WDR17: variants seen among roughly 807,000 people sequenced by gnomAD.
WDR17 encodes the protein WD repeat domain 17.
Under a neutral mutation model 161.7 loss-of-function variants are expected in WDR17, and 143 were observed. That is an observed-to-expected ratio of 0.88 (90% CI 0.77 to 1.02). The LOEUF (loss-of-function observed/expected upper bound fraction) is 1.02, where lower values mean the gene tolerates loss of function less well. WDR17 is among the 50% of genes least tolerant of loss of function. The probability of loss-of-function intolerance (pLI) is 0.00; values close to 1 mark genes in which losing one functional copy is unlikely to be tolerated. For missense variants in WDR17, 1,469 were observed against 1,520.9 expected (o/e 0.97, Z 0.57); for synonymous variants, 517 against 515.6 (o/e 1.00, Z -0.04).
intron 23 of WDR17, among the ~76,000 whole-genome samples, chr4:176,170,162 A>G (rs1665595589): frequency 6.6e-6 from 1 of 152,128 alleles, no homozygotes; most frequent in South Asian, 2.1e-4. Flanking sequence ...CCATAAATAT[A>G]TGCTCTTAAT....
chr4:176,066,285 C>A (rs1732517366), intron 1 of WDR17, among the ~76,000 whole-genome samples: 1 of 152,180 alleles, frequency 6.6e-6, no homozygotes, highest in Non-Finnish European at 1.5e-5. Context: ...CTGATTCTTA[C>A]AAGGCACAGC....
intron 2 of WDR17, among the ~76,000 whole-genome samples, chr4:176,112,364 T>C (rs1739909042): frequency 6.6e-6 from 1 of 152,206 alleles, no homozygotes; most frequent in Admixed American, 6.5e-5. Context: ...CCTACTAATT[T>C]ATTGTTCAGT....
intron 1 of WDR17, chr4:176,098,430 G>C (rs370640612): frequency 6.6e-6 from 1 of 151,844 alleles, no homozygotes; most frequent in East Asian, 1.9e-4. Context: ...AATTAAATAT[G>C]TTTCTTTACC....
chr4:176,142,150 A>G (rs913416080), intron 11 of WDR17, 81 bp downstream of exon 11: 11 of 1,149,344 alleles, frequency 9.6e-6, no homozygotes, highest in African/African-American at 1.5e-5. Context: ...TGCTATTTCC[A>G]AAGGTAATAT....
At chr4:176,142,573 T>C (rs968859167) in intron 11 of WDR17, among the ~76,000 whole-genome samples, 1 of 152,220 alleles carries the variant, frequency 6.6e-6, no homozygotes, top group Non-Finnish European at 1.5e-5. Context: ...AAAAATCAGC[T>C]TAGATTTAAA....
At chr4:176,126,169 T>C (rs564485450) in intron 5 of WDR17, among the ~76,000 whole-genome samples, 23 of 152,196 alleles carry the variant, frequency 1.5e-4, no homozygotes, top group Non-Finnish European at 2.9e-4. Flanking sequence ...GTGGGAGGCA[T>C]TCAAACTATA....
intron 23 of WDR17, among the ~76,000 whole-genome samples, chr4:176,171,250 A>T (rs1750692250): frequency 6.6e-6 from 1 of 152,206 alleles, no homozygotes; most frequent in South Asian, 2.1e-4. Flanking sequence ...AAAAATTACA[A>T]GGATGATCAT....
intron 1 of WDR17, 79 bp from the exon 2 acceptor site, chr4:176,111,496 G>A (rs1579076873): frequency 4.7e-6 from 7 of 1,494,890 alleles, no homozygotes; most frequent in Non-Finnish European, 6.3e-6. Context: ...GGTAAGGGTT[G>A]GGGAAGATAG....
At chr4:176,164,222 G>T (rs1022808034) in intron 22 of WDR17, among the ~76,000 whole-genome samples, 2 of 152,144 alleles carry the variant, frequency 1.3e-5, no homozygotes, top group Non-Finnish European at 2.9e-5. Context: ...TTTTCCTGAG[G>T]TCGCAGTAAG....
At position 176,131,469 on chromosome 4, in the gene WDR17, T is replaced by A. The variant is rs953710881; in HGVS notation, c.914-85T>A. ...GCCTAAATGGTTTACTGGTACAGAT[T>A]CTGGATTTTTTTTTTAATGAAGAAT... On this transcript the variant is annotated intron_variant, in intron 6 of 28. Coordinates refer to ENST00000508596, the MANE Select transcript of WDR17 (RefSeq NM_181265.4). 3.0e-6 allele frequency: 4 copies of A among 1,347,144 alleles called. No homozygotes were observed. In the Admixed American group the frequency reaches 7.4e-5, roughly 25 times the overall value. 83.4% of individuals were successfully genotyped at this position (1,347,144 alleles called of 1,614,324 possible).
intron 1 of WDR17, among the ~76,000 whole-genome samples, chr4:176,072,635 AT>A (rs1733387086): frequency 6.6e-6 from 1 of 152,060 alleles, no homozygotes; most frequent in Non-Finnish European, 1.5e-5. Context: ...AATTCCTTTC[AT>A]TTTTCTGCAT....
intron 1 of WDR17, among the ~76,000 whole-genome samples, chr4:176,093,621 T>C (rs182053037): frequency 6.6e-6 from 1 of 152,312 alleles, no homozygotes; most frequent in African/African-American, 2.4e-5. Context: ...ATTAGATTCA[T>C]GGACATAGAT....
rs756972800 is a variant in WDR17, at chr4:176,111,598, A to G, written c.18A>G (p.Gln6=). 6.2e-7 allele frequency: 1 copy of G among 1,609,562 alleles called. No homozygotes were observed. The highest frequency in any genetic ancestry group is 8.5e-7 in the Non-Finnish European group (1 of 1,177,468). Residue 6 remains glutamine, a synonymous_variant, in exon 2 of 29, where the codon CAA becomes CAG. Coordinates refer to ENST00000508596, the MANE Select transcript of WDR17 (RefSeq NM_181265.4). MSQVR[Q]VGLLAAGCQP... ...AGGCAAACATGTCCCAGGTAAGGCAAGTGGGATTGCTGGCTGCTGGATGTC... is the reference window on the plus strand; with the variant it reads ...AGGCAAACATGTCCCAGGTAAGGCAGGTGGGATTGCTGGCTGCTGGATGTC...
In WDR17 at chr4:176,077,546, A is replaced by G. The variant is rs569514220; in HGVS notation, c.-7+11467A>G. Among the ~76,000 whole-genome samples the G allele has an allele frequency of 2.0e-5, 3 of 152,226 alleles. No homozygotes were observed. The South Asian group carries it at 6.2e-4, about 32-fold the overall frequency. On this transcript the variant is annotated intron_variant, in intron 1 of 28. Coordinates refer to ENST00000508596, the MANE Select transcript of WDR17 (RefSeq NM_181265.4). ...TTCCTCCCAGATTAAAATGTCGCTGATGCTGAAACCTTATTTTATATGTGA... is the reference window on the plus strand; with the variant it reads ...TTCCTCCCAGATTAAAATGTCGCTGGTGCTGAAACCTTATTTTATATGTGA...
At chr4:176,075,813 A>C (rs533659187) in intron 1 of WDR17, among the ~76,000 whole-genome samples, 1 of 152,088 alleles carries the variant, frequency 6.6e-6, no homozygotes, top group Admixed American at 6.6e-5. Context: ...TCTACAAAAA[A>C]GAAAAAGAAA....
chr4:176,176,786 A>T (rs1396022787), intron 26 of WDR17, among the ~76,000 whole-genome samples: 1 of 147,776 alleles, frequency 6.8e-6, no homozygotes, highest in African/African-American at 2.5e-5. Context: ...ACCATTCTTC[A>T]TACATTATGC....
rs1742858157 is a variant in WDR17, at chr4:176,128,734, C to T, written c.791-4C>T. On this transcript the variant is annotated splice_region_variant and splice_polypyrimidine_tract_variant and intron_variant, in intron 5 of 28. Transcript: ENST00000508596. ...AAAATGTGCTTTTTCCCTGATCTGACTAGATTCTCAAGTGGGTGTTTTACG... is the reference window on the plus strand; with the variant it reads ...AAAATGTGCTTTTTCCCTGATCTGATTAGATTCTCAAGTGGGTGTTTTACG... The T allele has an allele frequency of 6.2e-7, 1 of 1,601,170 alleles. No homozygotes were observed. The highest frequency in any genetic ancestry group is 1.1e-5 in the South Asian group (1 of 87,178).
intron 23 of WDR17, among the ~76,000 whole-genome samples, chr4:176,171,601 C>T (rs1750744231): frequency 6.6e-6 from 1 of 152,016 alleles, no homozygotes. Context: ...TTGAAACAAA[C>T]CATGAAACTA....
intron 1 of WDR17, among the ~76,000 whole-genome samples, chr4:176,085,596 G>C (rs1314238528): frequency 1.3e-5 from 2 of 151,988 alleles, no homozygotes; most frequent in African/African-American, 4.8e-5. Flanking sequence ...TGTGAAGGTG[G>C]ATATAGTATT....
Sources: gnomAD v4.1 joint callset for allele counts (sites outside exome capture counted in the v4.1 genomes callset) on GRCh38, gnomAD v4.1.1 for gene constraint, MANE v1.5 for transcripts, NCBI Gene and HGNC (gene_info 2026-07-23, HGNC 2026-07-21) for gene names.